Variants in PHGDH observed in about 807,000 individuals in gnomAD.
PHGDH encodes phosphoglycerate dehydrogenase.
A neutral mutation model predicts 52.6 loss-of-function variants in PHGDH; 50 were observed. The observed-to-expected ratio is 0.95, with a 90% CI of 0.76 to 1.20. PHGDH has a LOEUF of 1.20. Ranked by LOEUF, PHGDH falls within the 50% of genes most tolerant of loss-of-function variation. The pLI is 0.00. For missense variants in PHGDH, 630 were observed against 684.6 expected, an observed-to-expected ratio of 0.92 and a Z score of 0.89; for synonymous variants, 271 against 280.5, an observed-to-expected ratio of 0.97 and a Z score of 0.34.
intron 2 of PHGDH, chr1:119,721,680 G>T: frequency 4.1e-6 from 1 of 242,920 alleles, no homozygotes; most frequent in Non-Finnish European, 8.1e-6. Context: ...TGCATTTCCT[G>T]CTCCCACCCA....
At chr1:119,718,765 G>T (rs839616) in intron 1 of PHGDH, among the ~76,000 whole-genome samples, 52,787 of 152,086 alleles carry the variant, frequency 0.35, 10,165 homozygotes, top group East Asian at 0.62. Context: ...TGCTGGTGAG[G>T]CTGGTACTAT....
intron 1 of PHGDH, chr1:119,719,696 C>G (rs1470441227): frequency 6.6e-6 from 1 of 152,234 alleles, no homozygotes; most frequent in Non-Finnish European, 1.5e-5. Flanking sequence ...CACTGCTCTC[C>G]TTACATTTAC....
At chr1:119,735,564 G>T in intron 7 of PHGDH, 121 bp downstream of exon 7, 1 of 1,075,912 alleles carries the variant, frequency 9.3e-7, no homozygotes, top group Admixed American at 2.0e-5. Context: ...TTCATCCATG[G>T]TAAAAGGAGA....
chr1:119,737,255 C>T lies in PHGDH; in HGVS notation c.934C>T (p.Leu312Phe), dbSNP rs1239476255. 3 of 1,613,614 alleles carry T rather than the reference C, an allele frequency of 1.9e-6. No individual in the cohort carries two copies. Among genetic ancestry groups the T allele is most frequent in the African/African-American group, 1.3e-5 (1 of 75,032 alleles). Residue 312 changes from leucine (L) to phenylalanine (F), a missense_variant, in exon 8 of 12, where the codon CTC becomes TTC. Transcript: ENST00000641023. ...CGTGGACATGGTGAAGGGGAAATCT[C>T]TCACGGGGGTTGTAAGTATCACCAC... ...QFVDMVKGKS[L>F]TGVVNAQALT...
chr1:119,718,614 A>G (rs1651026300), intron 1 of PHGDH, among the ~76,000 whole-genome samples: 1 of 152,220 alleles, frequency 6.6e-6, no homozygotes, highest in Non-Finnish European at 1.5e-5. Context: ...GACCTTGGGC[A>G]GGTTACCTCT....
At chr1:119,740,303 A>G (rs1001697657) in intron 8 of PHGDH, 83 bp from the exon 9 acceptor site, 2 of 1,465,940 alleles carry the variant, frequency 1.4e-6, no homozygotes, top group African/African-American at 2.8e-5. Flanking sequence ...TTTCTTGTGG[A>G]GCTGGGTCTT....
In PHGDH at chr1:119,744,092, C is replaced by T; in HGVS notation, c.*52C>T. 6.5e-7 allele frequency: 1 copy of T among 1,539,780 alleles called. No individual in the cohort carries two copies. ...TGGGGCTTTTCTGAAGAAACCCACC[C>T]ACTGTGATCAATAGGGAGAGAAAAT... On this transcript the variant is annotated 3_prime_UTR_variant, in exon 12 of 12. Transcript: ENST00000641023.
intron 1 of PHGDH, among the ~76,000 whole-genome samples, chr1:119,714,150 A>G (rs1650818736): frequency 6.6e-6 from 1 of 152,138 alleles, no homozygotes; most frequent in African/African-American, 2.4e-5. Flanking sequence ...AGCCCACTGA[A>G]GGGTCCTCAT....
chr1:119,730,779 G>A (rs587693456), intron 5 of PHGDH, among the ~76,000 whole-genome samples: 39 of 152,262 alleles, frequency 2.6e-4, no homozygotes, highest in African/African-American at 7.7e-4. Context: ...TGCTATTGAA[G>A]GGATTAGTGC....
chr1:119,724,883 A>C, intron 3 of PHGDH: 1 of 456,680 alleles, frequency 2.2e-6, no homozygotes, highest in Admixed American at 2.3e-5. Flanking sequence ...AAGGTGCATC[A>C]AAACTAGGAA....
At chr1:119,715,322 T>C (rs1182086077) in intron 1 of PHGDH, among the ~76,000 whole-genome samples, 2 of 152,248 alleles carry the variant, frequency 1.3e-5, no homozygotes, top group Non-Finnish European at 2.9e-5. Context: ...ATATCAGTAC[T>C]TGAAGAAAGA....
At chr1:119,720,138 G>A (rs1312795171) in intron 1 of PHGDH, 2 of 152,204 alleles carry the variant, frequency 1.3e-5, no homozygotes, top group South Asian at 2.1e-4. Flanking sequence ...GTTTGAGCAA[G>A]AATATTCTTA....
In PHGDH at chr1:119,734,761, C is replaced by T. The variant is rs772598618; in HGVS notation, c.638C>T (p.Thr213Met). 30 of 1,613,946 alleles carry T rather than the reference C, an allele frequency of 1.9e-5. No homozygotes were observed. The highest frequency in any genetic ancestry group is 2.4e-5 in the Non-Finnish European group (28 of 1,179,968). ...GTGCACACTCCTCTCCTGCCCTCCA[C>T]GACAGGTAGGTGTGTCCTTACATTG... ...ITVHTPLLPS[T>M]TGLLNDNTFA... Residue 213 changes from threonine to methionine, a missense_variant, in exon 6 of 12, where the codon ACG becomes ATG. Physicochemically the swap from Thr to Met is moderately conservative, Grantham distance 81 (BLOSUM62 -1). Transcript: ENST00000641023.
rs774515062 is a variant in PHGDH, at chr1:119,737,105, T to C, written c.793-9T>C. ...GGCAGCCAACTTAGAGGTATCTCTT[T>C]CTGGGCAGGAGCCGCCACGGGACCG... is the stretch of plus-strand genomic sequence containing the variant. On this transcript the variant is annotated splice_polypyrimidine_tract_variant and intron_variant, in intron 7 of 11. Coordinates refer to ENST00000641023, the MANE Select transcript of PHGDH (RefSeq NM_006623.4). The C allele has an allele frequency of 6.2e-7, 1 of 1,613,884 alleles. No individual in the cohort carries two copies. The highest frequency in any genetic ancestry group is 1.1e-5 in the South Asian group (1 of 91,072).
chr1:119,738,456 A>T (rs1371724093), intron 8 of PHGDH, among the ~76,000 whole-genome samples: 1 of 152,152 alleles, frequency 6.6e-6, no homozygotes, highest in Non-Finnish European at 1.5e-5. Context: ...AGAGACTCTG[A>T]CCTGTCTGCA....
intron 9 of PHGDH, 128 bp downstream of exon 9, chr1:119,740,646 C>T: frequency 2.7e-6 from 2 of 732,926 alleles, no homozygotes; most frequent in Admixed American, 2.5e-5. Flanking sequence ...GGACCCTGCC[C>T]TGAGTATAGC....
At chr1:119,732,792 G>A (rs1462186046) in intron 5 of PHGDH, among the ~76,000 whole-genome samples, 2 of 152,158 alleles carry the variant, frequency 1.3e-5, no homozygotes, top group Non-Finnish European at 2.9e-5. Flanking sequence ...CTGTGGAGGG[G>A]GCCAGGTTCA....
chr1:119,719,257 A>G (rs1651049791), intron 1 of PHGDH, among the ~76,000 whole-genome samples: 1 of 152,164 alleles, frequency 6.6e-6, no homozygotes, highest in Non-Finnish European at 1.5e-5. Flanking sequence ...CCAGGTCATA[A>G]TCAGTTTAGC....
At chr1:119,735,580 G>A (rs1331301953) in intron 7 of PHGDH, 137 bp downstream of exon 7, 14 of 964,132 alleles carry the variant, frequency 1.5e-5, no homozygotes, top group Non-Finnish European at 1.6e-6. Context: ...GGAGAAAACT[G>A]TGTTGCCAAA....
Sources: allele counts gnomAD v4.1 joint callset (sites outside exome capture counted in the v4.1 genomes callset), GRCh38; gene constraint gnomAD v4.1.1; transcripts MANE v1.5; gene names NCBI Gene and HGNC (gene_info 2026-07-23, HGNC 2026-07-21).